UBE2V1: variants seen among roughly 807,000 people sequenced by gnomAD.
UBE2V1 encodes ubiquitin conjugating enzyme E2 V1.
Under a neutral mutation model 19.6 loss-of-function variants are expected in UBE2V1, and 15 were observed. That is an observed-to-expected ratio of 0.77 (90% CI 0.51 to 1.18). The LOEUF is 1.18. Ranked by LOEUF, UBE2V1 falls within the 50% of genes most tolerant of loss-of-function variation. The pLI is 0.00. For synonymous variants in UBE2V1, 60 were observed against 60.7 expected (o/e 0.99, Z 0.05); for missense variants, 125 against 184.8 (o/e 0.68, Z 1.88).
At chr20:50,103,189 C>T (rs2055674577) in intron 1 of UBE2V1, among the ~76,000 whole-genome samples, 1 of 152,100 alleles carries the variant, frequency 6.6e-6, no homozygotes, top group South Asian at 2.1e-4. Context: ...GGGTGTTTTG[C>T]CCTCTAGAGT....
At chr20:50,094,344 T>C (rs2079499229) in intron 2 of UBE2V1, among the ~76,000 whole-genome samples, 1 of 141,902 alleles carries the variant, frequency 7.0e-6, no homozygotes, top group Non-Finnish European at 1.5e-5. Flanking sequence ...ATTAGGTAGC[T>C]AAAAACAACT....
upstream of UBE2V1, among the ~76,000 whole-genome samples, chr20:50,114,662 G>A (rs2080954632): frequency 6.6e-6 from 1 of 152,150 alleles, no homozygotes; most frequent in Non-Finnish European, 1.5e-5. Flanking sequence ...TGTGCACCAG[G>A]CTCTGCACCC....
chr20:50,104,636 C>T (rs550739732), intron 1 of UBE2V1, among the ~76,000 whole-genome samples: 109 of 110,176 alleles, frequency 9.9e-4, no homozygotes, highest in Middle Eastern at 7.7e-3. Context: ...CCAGCCAGGG[C>T]GACAGTGAGA....
At chr20:50,111,151 A>G (rs2080726118) in intron 1 of UBE2V1, 1 of 693,410 alleles carries the variant, frequency 1.4e-6, no homozygotes, top group Non-Finnish European at 1.8e-6. Context: ...TAAACAGACA[A>G]AAGAATTTTG....
chr20:50,100,022 A>C (rs893871911), intron 1 of UBE2V1, among the ~76,000 whole-genome samples: 2 of 150,476 alleles, frequency 1.3e-5, no homozygotes, highest in African/African-American at 4.8e-5. Context: ...CACTTGAGCC[A>C]GGAAGGCGGA....
At chr20:50,106,440 A>G (rs2080360645) in intron 1 of UBE2V1, among the ~76,000 whole-genome samples, 1 of 152,236 alleles carries the variant, frequency 6.6e-6, no homozygotes, top group Non-Finnish European at 1.5e-5. Flanking sequence ...AGGATTCTGA[A>G]GTCGTTTAAA....
intron 1 of UBE2V1, among the ~76,000 whole-genome samples, chr20:50,107,532 G>C (rs1205177918): frequency 6.6e-6 from 1 of 152,186 alleles, no homozygotes; most frequent in African/African-American, 2.4e-5. Flanking sequence ...TGGAGAAGGG[G>C]AGGATGGTTA....
At chr20:50,110,542 A>G (rs2080686797) in intron 1 of UBE2V1, among the ~76,000 whole-genome samples, 1 of 152,198 alleles carries the variant, frequency 6.6e-6, no homozygotes, top group Non-Finnish European at 1.5e-5. Flanking sequence ...TAGAAAGCAG[A>G]GAGGCCTGTA....
chr20:50,087,345 G>A (rs1433587990), intron 2 of UBE2V1, among the ~76,000 whole-genome samples: 1 of 148,144 alleles, frequency 6.8e-6, no homozygotes, highest in Non-Finnish European at 1.5e-5. Context: ...GCAGTGAGCC[G>A]AGACTGCACC....
chr20:50,109,479 G>A (rs971746524), intron 1 of UBE2V1, among the ~76,000 whole-genome samples: 6 of 152,014 alleles, frequency 3.9e-5, no homozygotes, highest in South Asian at 2.1e-4. Context: ...AGCCCGGCAC[G>A]GTGACTTACG....
At chr20:50,103,465 G>A (rs1346403622) in intron 1 of UBE2V1, among the ~76,000 whole-genome samples, 14 of 152,148 alleles carry the variant, frequency 9.2e-5, no homozygotes, top group Admixed American at 9.2e-4. Context: ...GAGTGCAGTG[G>A]TGTGATTTTG....
At chr20:50,110,633 C>A (rs2147213892) in intron 1 of UBE2V1, among the ~76,000 whole-genome samples, 1 of 152,332 alleles carries the variant, frequency 6.6e-6, no homozygotes, top group South Asian at 2.1e-4. Flanking sequence ...GGACGAAGGT[C>A]AGATCTTATC....
chr20:50,113,174 CT>C, upstream of UBE2V1: 3 of 1,248,152 alleles, frequency 2.4e-6, no homozygotes, highest in African/African-American at 1.6e-5. Flanking sequence ...TCACCCCCCC[CT>C]TACCCGTCCC....
chr20:50,104,439 C>T (rs1302270608), intron 1 of UBE2V1: 20 of 736,520 alleles, frequency 2.7e-5, no homozygotes, highest in African/African-American at 1.2e-4. Flanking sequence ...GGGCGGATCA[C>T]GAGGTCAGGA....
At chr20:50,104,883 C>T (rs1229806216) in intron 1 of UBE2V1, among the ~76,000 whole-genome samples, 1 of 151,890 alleles carries the variant, frequency 6.6e-6, no homozygotes, top group Non-Finnish European at 1.5e-5. Flanking sequence ...CGCGCCACGA[C>T]ACCCAGTTAA....
At chr20:50,090,658 G>A (rs1568979928) in intron 2 of UBE2V1, among the ~76,000 whole-genome samples, 1 of 152,200 alleles carries the variant, frequency 6.6e-6, no homozygotes, top group East Asian at 1.9e-4. Context: ...GGACCAGGGT[G>A]TAAGGGGAGA....
At chr20:50,090,814 A>G (rs990435969) in intron 2 of UBE2V1, among the ~76,000 whole-genome samples, 1 of 152,202 alleles carries the variant, frequency 6.6e-6, no homozygotes, top group African/African-American at 2.4e-5. Flanking sequence ...ACAGACACAC[A>G]AGGTAGCTAC....
At chr20:50,111,175 AG>A in intron 1 of UBE2V1, 1 of 887,886 alleles carries the variant, frequency 1.1e-6, no homozygotes, top group Non-Finnish European at 1.3e-6. Context: ...AGTCCATTTT[AG>A]GGCACCTCAA....
Position 50,082,815 on chromosome 20 carries a change from T to C in UBE2V1, c.397A>G (p.Asn133Asp). 2 of 1,613,388 alleles carry C rather than the reference T, an allele frequency of 1.2e-6. No individual in the cohort carries two copies. The highest frequency in any genetic ancestry group is 1.7e-6 in the Non-Finnish European group (2 of 1,179,848). ...ELRRLMMSKE[N>D]MKLPQPPEGQ... ...TCGGGCGGCTGAGGGAGTTTCATAT[T>C]TTCTTTAGACATCATTAGGCGCCGA... The change falls in exon 4 of 4, where the codon AAT becomes GAT. Residue 133 changes from asparagine to aspartate, a missense_variant. Transcript: ENST00000371674.
Sources: gnomAD v4.1 joint callset for allele counts (sites outside exome capture counted in the v4.1 genomes callset) on GRCh38, gnomAD v4.1.1 for gene constraint, MANE v1.5 for transcripts, NCBI Gene and HGNC (gene_info 2026-07-23, HGNC 2026-07-21) for gene names.